The following LCORL variants were observed in gnomAD, a reference collection of about 807,000 sequenced individuals.
LCORL encodes ligand dependent nuclear receptor corepressor like.
In LCORL, 41 loss-of-function variants were observed where a neutral mutation model predicts 141.8. That is an observed-to-expected ratio of 0.29 (90% CI 0.23 to 0.38). LCORL has a LOEUF of 0.38. Among genes scored for constraint, LCORL ranks in the 10% least tolerant of loss-of-function variants. The pLI is 1.00. For synonymous variants in LCORL, 618 were observed against 694.1 expected (o/e 0.89, Z 1.72); for missense variants, 1,759 against 2,035.0 (o/e 0.86, Z 2.61).
chr4:17,855,284 A>C (rs759720001), intron 7 of LCORL, among the ~76,000 whole-genome samples: 5 of 152,204 alleles, frequency 3.3e-5, no homozygotes, highest in African/African-American at 1.2e-4. Flanking sequence ...TACCCAAGAA[A>C]TATATAAATA....
chr4:17,873,593 T>G, exon 7 of LCORL: 1 of 1,233,850 alleles, frequency 8.1e-7, no homozygotes, highest in Non-Finnish European at 1.0e-6. Context: ...ATTCATCAGC[T>G]GAAGGATTAT....
chr4:17,997,819 A>T (rs914085548), intron 1 of LCORL, among the ~76,000 whole-genome samples: 1 of 152,208 alleles, frequency 6.6e-6, no homozygotes, highest in African/African-American at 2.4e-5. Context: ...AACAAAGATG[A>T]AAATTTTAAT....
At chr4:17,913,162 C>T (rs1196878124) in intron 4 of LCORL, among the ~76,000 whole-genome samples, 1 of 152,202 alleles carries the variant, frequency 6.6e-6, no homozygotes, top group Non-Finnish European at 1.5e-5. Flanking sequence ...CTGAAGAGGA[C>T]TGGTGATTAA....
intron 1 of LCORL, among the ~76,000 whole-genome samples, chr4:17,985,221 T>C (rs2109745981): frequency 6.6e-6 from 1 of 152,224 alleles, no homozygotes; most frequent in South Asian, 2.1e-4. Flanking sequence ...ATGTGCCATG[T>C]GGTGATGAGA....
intron 5 of LCORL, among the ~76,000 whole-genome samples, chr4:17,900,220 GAA>G (rs1426584979): frequency 1.3e-5 from 2 of 152,074 alleles, no homozygotes; most frequent in Non-Finnish European, 2.9e-5. Flanking sequence ...ACAGAAAAAA[GAA>G]AAATCCAGCT....
At chr4:17,902,074 T>G (rs1300105408) in intron 5 of LCORL, among the ~76,000 whole-genome samples, 3 of 152,098 alleles carry the variant, frequency 2.0e-5, no homozygotes, top group Non-Finnish European at 2.9e-5. Flanking sequence ...AGCTTTTTTG[T>G]CAGTGTTCTG....
chr4:17,882,951 A>G (rs1317294685), intron 6 of LCORL: 1 of 909,456 alleles, frequency 1.1e-6, no homozygotes, highest in African/African-American at 1.8e-5. Context: ...TAATAATTAA[A>G]TTTAAATTAT....
intron 4 of LCORL, among the ~76,000 whole-genome samples, chr4:17,918,935 G>A (rs546247930): frequency 6.6e-6 from 1 of 151,880 alleles, no homozygotes; most frequent in Non-Finnish European, 1.5e-5. Context: ...AATAAATTTT[G>A]AAAGCAGCAA....
chr4:17,868,281 C>T (rs931156323), intron 7 of LCORL, among the ~76,000 whole-genome samples: 22 of 151,942 alleles, frequency 1.4e-4, no homozygotes, highest in African/African-American at 3.9e-4. Flanking sequence ...TTATTTTTGA[C>T]GACAGATGGC....
chr4:17,945,575 A>T (rs1738743545), intron 4 of LCORL, among the ~76,000 whole-genome samples: 1 of 152,024 alleles, frequency 6.6e-6, no homozygotes, highest in South Asian at 2.1e-4. Context: ...GTTAATTTCT[A>T]CAAGCATTAC....
chr4:17,892,397 CG>C (rs1156982753), intron 5 of LCORL, among the ~76,000 whole-genome samples: 3 of 151,484 alleles, frequency 2.0e-5, no homozygotes, highest in South Asian at 4.2e-4. Flanking sequence ...TTAGTAGAGA[CG>C]GGGTTTCACC....
chr4:17,946,582 C>A (rs113803832), intron 4 of LCORL, among the ~76,000 whole-genome samples: 24 of 151,888 alleles, frequency 1.6e-4, no homozygotes, highest in African/African-American at 5.5e-4. Context: ...GTATTCCTTG[C>A]CTTTAAGGAG....
intron 5 of LCORL, among the ~76,000 whole-genome samples, chr4:17,906,311 T>A (rs1009666415): frequency 6.6e-6 from 1 of 152,184 alleles, no homozygotes; most frequent in African/African-American, 2.4e-5. Flanking sequence ...GTCTGGTAGC[T>A]TTCTATGACC....
intron 5 of LCORL, among the ~76,000 whole-genome samples, chr4:17,896,745 G>C (rs1478047013): frequency 1.3e-5 from 2 of 151,944 alleles, no homozygotes; most frequent in Non-Finnish European, 2.9e-5. Flanking sequence ...ATTATACTCA[G>C]TTATTTTAAA....
chr4:17,860,202 C>T (rs1264285256), intron 7 of LCORL, among the ~76,000 whole-genome samples: 7 of 152,192 alleles, frequency 4.6e-5, no homozygotes, highest in South Asian at 2.1e-4. Flanking sequence ...TACCTGACTT[C>T]GAACTATACT....
intron 4 of LCORL, among the ~76,000 whole-genome samples, chr4:17,955,549 T>TATAGTATA (rs1560400110): frequency 6.6e-6 from 1 of 152,098 alleles, no homozygotes; most frequent in African/African-American, 2.4e-5. Context: ...AAGTAGAGTA[T>TATAGTATA]ATAGTATAAT....
chr4:17,864,440 T>A (rs1309430026), intron 7 of LCORL, among the ~76,000 whole-genome samples: 5 of 152,120 alleles, frequency 3.3e-5, no homozygotes. Context: ...GGTCTTGAAC[T>A]CCAGGGCTCA....
intron 4 of LCORL, among the ~76,000 whole-genome samples, chr4:17,947,808 A>T (rs1739122926): frequency 6.6e-6 from 1 of 151,996 alleles, no homozygotes; most frequent in Non-Finnish European, 1.5e-5. Flanking sequence ...TTAGTTTCTT[A>T]TTATCCTCTC....
rs899664853 is a variant in LCORL, at chr4:17,881,250, G to A, written c.777-3037C>T. On this transcript the variant is annotated intron_variant, in intron 6 of 7. Coordinates refer to ENST00000635767, the Ensembl canonical transcript of LCORL. ...TCACCTTCATTAAGTCTGCTGAAAC[G>A]GGATTTTTCAGAAAATTGTCAATTA... 13 of 982,636 alleles carry A rather than the reference G, an allele frequency of 1.3e-5. No homozygotes were observed. In the South Asian group the frequency reaches 4.2e-4, roughly 32 times the overall value. 60.9% of individuals were successfully genotyped at this position (982,636 alleles called of 1,614,324 possible).
Sources: allele counts gnomAD v4.1 joint callset (sites outside exome capture counted in the v4.1 genomes callset), GRCh38; gene constraint gnomAD v4.1.1; transcripts MANE v1.5; gene names NCBI Gene and HGNC (gene_info 2026-07-23, HGNC 2026-07-21).